OTUD7A: variants seen among roughly 807,000 people sequenced by gnomAD.
OTUD7A encodes the protein OTU deubiquitinase 7A.
In OTUD7A, 12 loss-of-function variants were observed where a neutral mutation model predicts 65.7. That is an observed-to-expected ratio of 0.18 (90% CI 0.12 to 0.30). OTUD7A has a LOEUF of 0.30. OTUD7A is among the 10% of genes least tolerant of loss of function. The pLI, the probability that OTUD7A is intolerant of heterozygous loss-of-function variation, is 1.00. For missense variants in OTUD7A, 1,148 were observed against 1,304.8 expected, an observed-to-expected ratio of 0.88 and a Z score of 1.85; for synonymous variants, 641 against 586.3, an observed-to-expected ratio of 1.09 and a Z score of -1.35.
intron 8 of OTUD7A, among the ~76,000 whole-genome samples, chr15:31,525,796 T>A (rs1314731684): frequency 6.6e-6 from 1 of 152,218 alleles, no homozygotes; most frequent in Non-Finnish European, 1.5e-5. Flanking sequence ...AACAAGCTAT[T>A]CCTAAACATG....
intron 8 of OTUD7A, among the ~76,000 whole-genome samples, chr15:31,523,088 G>C (rs1004770298): frequency 6.6e-6 from 1 of 152,240 alleles, no homozygotes; most frequent in Non-Finnish European, 1.5e-5. Context: ...CCCTTGACTT[G>C]CTCTTTCCTA....
intron 3 of OTUD7A, among the ~76,000 whole-genome samples, chr15:31,627,970 T>C (rs374659616): frequency 6.6e-6 from 1 of 152,208 alleles, no homozygotes; most frequent in Non-Finnish European, 1.5e-5. Context: ...TTGTTTGAGT[T>C]CATTGTAGAT....
At chr15:31,760,919 GGTTTTTTT>G (rs902335932) in intron 1 of OTUD7A, among the ~76,000 whole-genome samples, 16 of 151,958 alleles carry the variant, frequency 1.1e-4, no homozygotes, top group East Asian at 5.8e-4. Context: ...GGTTTTTTTG[GGTTTTTTT>G]GTTTTTTTGT....
Position 31,575,951 on chromosome 15 carries a change from T to G in OTUD7A, c.152-5754A>C, listed in dbSNP as rs535122232. 5.5e-4 allele frequency among the ~76,000 whole-genome samples: 84 copies of G among 152,102 alleles called. 1 individual carries two copies. The highest frequency in any genetic ancestry group is 2.0e-3 in the African/African-American group (82 of 41,470). ...GTTAGAAGACATAATGGAAGAATAT[T>G]CCATACACAATTGCAACTAAAATGA... On this transcript the variant is annotated intron_variant, in intron 3 of 12. Coordinates refer to ENST00000307050, the MANE Select transcript of OTUD7A (RefSeq NM_001382637.1).
intron 3 of OTUD7A, among the ~76,000 whole-genome samples, chr15:31,624,589 G>T (rs1890895201): frequency 6.6e-6 from 1 of 152,196 alleles, no homozygotes; most frequent in Non-Finnish European, 1.5e-5. Flanking sequence ...ATTGCATTTT[G>T]TATGGAAATA....
chr15:31,492,793 T>C (rs1309279086), intron 10 of OTUD7A, among the ~76,000 whole-genome samples: 1 of 152,198 alleles, frequency 6.6e-6, no homozygotes, highest in Non-Finnish European at 1.5e-5. Context: ...GGTAGCAAGA[T>C]GGTGGATTTT....
Position 31,484,846 on chromosome 15 carries a change from G to A in OTUD7A, c.1372-122C>T, listed in dbSNP as rs1158429182. The stretch of plus-strand genomic sequence containing the variant: ...AGGGCCCTGGACCTTCACTGTCCCA[G>A]TCCCCACTGTCGCTCTGGTGACTGT... On this transcript the variant is annotated intron_variant, in intron 12 of 12. Coordinates refer to ENST00000307050, the MANE Select transcript of OTUD7A (RefSeq NM_001382637.1). This position sits in a 1 kb window ranked among gnomAD's most constrained non-coding sequence, Gnocchi z 4.5. The A allele has an allele frequency of 2.7e-6, 4 of 1,455,400 alleles. No homozygotes were observed. The African/African-American group carries it at 4.2e-5, about 15-fold the overall frequency. 90.2% of individuals were successfully genotyped at this position (1,455,400 alleles called of 1,614,324 possible).
chr15:31,531,045 C>T (rs1433389441), intron 5 of OTUD7A, among the ~76,000 whole-genome samples: 5 of 152,180 alleles, frequency 3.3e-5, no homozygotes, highest in Non-Finnish European at 7.3e-5. Flanking sequence ...AAGGCCAGCA[C>T]CTTCTCTCCT....
At chr15:31,823,057 T>C (rs1457581040) in intron 1 of OTUD7A, among the ~76,000 whole-genome samples, 1 of 152,234 alleles carries the variant, frequency 6.6e-6, no homozygotes, top group African/African-American at 2.4e-5. Flanking sequence ...ATGTTCCAGC[T>C]ACATGCTGAA....
intron 1 of OTUD7A, among the ~76,000 whole-genome samples, chr15:31,772,433 TA>T (rs1238965601): frequency 6.6e-6 from 1 of 151,954 alleles, no homozygotes; most frequent in African/African-American, 2.4e-5. Flanking sequence ...AGTAAAGGAA[TA>T]AACGAAAAAA....
chr15:31,662,508 C>T (rs1484754328), intron 1 of OTUD7A, among the ~76,000 whole-genome samples: 1 of 152,216 alleles, frequency 6.6e-6, no homozygotes, highest in East Asian at 1.9e-4. Context: ...GTTCCCTTGA[C>T]ACTAGTGTAG....
chr15:31,782,762 CA>C (rs1895574468), intron 1 of OTUD7A, among the ~76,000 whole-genome samples: 1 of 152,114 alleles, frequency 6.6e-6, no homozygotes, highest in Non-Finnish European at 1.5e-5. Flanking sequence ...AACATGACTT[CA>C]AATTTTCTGA....
chr15:31,849,448 C>A (rs1164006158), intron 1 of OTUD7A, among the ~76,000 whole-genome samples: 1 of 152,160 alleles, frequency 6.6e-6, no homozygotes, highest in Non-Finnish European at 1.5e-5. Context: ...ACCATAAATA[C>A]CCTAGAAGAA....
chr15:31,739,808 G>A (rs1251019480), intron 1 of OTUD7A, among the ~76,000 whole-genome samples: 3 of 152,206 alleles, frequency 2.0e-5, no homozygotes, highest in Non-Finnish European at 4.4e-5. Flanking sequence ...CTGGCCACAA[G>A]TGATCCACCC....
intron 1 of OTUD7A, among the ~76,000 whole-genome samples, chr15:31,715,414 TC>T (rs1248915358): frequency 6.6e-6 from 1 of 151,598 alleles, no homozygotes; most frequent in Non-Finnish European, 1.5e-5. Flanking sequence ...CCACAGTGCT[TC>T]CCTTCCCCCT....
chr15:31,664,454 T>C (rs1892262999), intron 1 of OTUD7A, among the ~76,000 whole-genome samples: 1 of 152,200 alleles, frequency 6.6e-6, no homozygotes, highest in Non-Finnish European at 1.5e-5. Flanking sequence ...GTTGGCCATT[T>C]GTATATCTTC....
chr15:31,735,740 A>G (rs886159415), intron 1 of OTUD7A, among the ~76,000 whole-genome samples: 11 of 152,202 alleles, frequency 7.2e-5, no homozygotes, highest in Admixed American at 6.5e-4. Context: ...AAATCATTCT[A>G]TTGTAAAGGC....
At chr15:31,711,124 C>A (rs1462996982) in intron 1 of OTUD7A, among the ~76,000 whole-genome samples, 2 of 149,454 alleles carry the variant, frequency 1.3e-5, no homozygotes. Context: ...TTGAAGTGTT[C>A]AACACCTTTG....
chr15:31,812,741 A>T (rs1896452991), intron 1 of OTUD7A, among the ~76,000 whole-genome samples: 1 of 152,140 alleles, frequency 6.6e-6, no homozygotes, highest in African/African-American at 2.4e-5. Flanking sequence ...ACCCTTCAGA[A>T]TGTCCCCGAG....
Sources: allele counts gnomAD v4.1 joint callset (sites outside exome capture counted in the v4.1 genomes callset), GRCh38; gene constraint gnomAD v4.1.1; non-coding constraint Gnocchi (gnomAD v3.1); transcripts MANE v1.5; gene names NCBI Gene and HGNC (gene_info 2026-07-23, HGNC 2026-07-21).